The following FMNL3 variants were observed in gnomAD, a reference collection of about 807,000 sequenced individuals.
The protein encoded by FMNL3 is formin-like protein 3.
In FMNL3, 57 loss-of-function variants were observed where a neutral mutation model predicts 119.6. The observed-to-expected ratio is 0.48, with a 90% CI of 0.39 to 0.59. FMNL3 has a LOEUF of 0.59. FMNL3 is among the 20% of genes least tolerant of loss of function. The pLI, the probability that FMNL3 is intolerant of heterozygous loss-of-function variation, is 0.00. For synonymous variants in FMNL3, 491 were observed against 507.3 expected (o/e 0.97, Z 0.43); for missense variants, 1,053 against 1,323.5 (o/e 0.80, Z 3.17).
At chr12:49,652,536 G>A (rs944456911) in intron 13 of FMNL3, among the ~76,000 whole-genome samples, 2 of 152,180 alleles carry the variant, frequency 1.3e-5, no homozygotes, top group African/African-American at 4.8e-5. Context: ...GTCTGACATA[G>A]CGGCTCTCTC....
Position 49,707,113 on chromosome 12 carries a change from G to A in FMNL3, c.68C>T (p.Pro23Leu), listed in dbSNP as rs775668507. 8.1e-6 allele frequency: 13 copies of A among 1,604,756 alleles called. No individual in the cohort carries two copies. Among genetic ancestry groups the A allele is most frequent in the Non-Finnish European group, 1.0e-5 (12 of 1,176,572 alleles). The change falls in exon 1 of 26, where the codon CCC becomes CTC. Residue 23 changes from proline (P) to leucine (L), a missense_variant. By Grantham distance (98) the Pro-to-Leu change is moderately conservative. This residue lies in a region of FMNL3 where 264 missense variants were observed against 265.5 expected (regional missense o/e 0.99). Transcript: ENST00000335154. ...EPPSVPLLLP[P>L]GKMPMPEPCE... is the part of the protein sequence containing the mutation. ...GGGCTCAGGCATCGGCATCTTGCCG[G>A]GCGGCAGCAACAACGGGACAGAGGG...
chr12:49,638,033 A>T lies in FMNL3; in HGVS notation c.*7782T>A. 1.8e-6 allele frequency: 1 copy of T among 561,714 alleles called. No individual in the cohort carries two copies. The highest frequency in any genetic ancestry group is 2.3e-5 in the South Asian group (1 of 44,208). 34.8% of individuals were successfully genotyped at this position (561,714 alleles called of 1,614,324 possible). The stretch of plus-strand genomic sequence containing the variant: ...ATGGTCTAATAGGAAGATATACATG[A>T]GAACTGTTATACAAAGGGGCAAGTG... On this transcript the variant is annotated 3_prime_UTR_variant, in exon 26 of 26. Coordinates refer to ENST00000335154, the MANE Select transcript of FMNL3 (RefSeq NM_175736.5).
intron 1 of FMNL3, among the ~76,000 whole-genome samples, chr12:49,675,276 C>T (rs548247652): frequency 6.6e-6 from 1 of 152,370 alleles, no homozygotes; most frequent in African/African-American, 2.4e-5. Context: ...GCTACTGCCA[C>T]AGCAACTTGA....
chr12:49,651,052 TG>T, intron 16 of FMNL3, 115 bp downstream of exon 16: 1 of 1,505,324 alleles, frequency 6.6e-7, no homozygotes, highest in Non-Finnish European at 9.1e-7. Flanking sequence ...GAAGGGTTGG[TG>T]GAGCTAAGCC....
At chr12:49,677,654 C>T (rs1682840196) in intron 1 of FMNL3, among the ~76,000 whole-genome samples, 1 of 152,008 alleles carries the variant, frequency 6.6e-6, no homozygotes, top group Admixed American at 6.6e-5. Context: ...TAGAATTTGG[C>T]GATATCAAAA....
chr12:49,645,739 C>G lies in FMNL3; in HGVS notation c.*76G>C. The stretch of plus-strand genomic sequence containing the variant: ...AGAGCAACACAGCCCTCTCCTGAGC[C>G]CTTGGCCAATTCCAGGTCCACTGGT... On this transcript the variant is annotated 3_prime_UTR_variant, in exon 26 of 26. Coordinates refer to ENST00000335154, the MANE Select transcript of FMNL3 (RefSeq NM_175736.5). The G allele has an allele frequency of 7.6e-7, 1 of 1,313,184 alleles. No individual in the cohort carries two copies. Among genetic ancestry groups the G allele is most frequent in the East Asian group, 2.5e-5 (1 of 39,770 alleles). 81.3% of individuals were successfully genotyped at this position (1,313,184 alleles called of 1,614,324 possible).
At chr12:49,646,473 A>G (rs897664465) in intron 25 of FMNL3, among the ~76,000 whole-genome samples, 2 of 152,206 alleles carry the variant, frequency 1.3e-5, no homozygotes, top group African/African-American at 4.8e-5. Flanking sequence ...TGCAGGGGAT[A>G]TGCCACACTT....
chr12:49,681,395 G>T (rs1278924500), intron 1 of FMNL3, among the ~76,000 whole-genome samples: 1 of 152,128 alleles, frequency 6.6e-6, no homozygotes, highest in East Asian at 1.9e-4. Flanking sequence ...TAGAGACAAG[G>T]TTTCACGGTG....
At chr12:49,701,726 A>G (rs564647156) in intron 1 of FMNL3, among the ~76,000 whole-genome samples, 2 of 152,166 alleles carry the variant, frequency 1.3e-5, no homozygotes, top group East Asian at 1.9e-4. Context: ...GTTCGAGACC[A>G]GCCTGGCCAA....
chr12:49,656,794 G>T (rs1250177098), intron 8 of FMNL3, 29 bp downstream of exon 8: 12 of 1,578,972 alleles, frequency 7.6e-6, no homozygotes, highest in South Asian at 1.1e-5. Context: ...TGGACAGAGT[G>T]GGGAGGAAAG....
In FMNL3 at chr12:49,642,861, TAGG is replaced by T; in HGVS notation, c.*2951_*2953del. 6.6e-7 allele frequency: 1 copy of T among 1,520,048 alleles called. No individual in the cohort carries two copies. Among genetic ancestry groups the T allele is most frequent in the Non-Finnish European group, 9.0e-7 (1 of 1,115,214 alleles). The allele number at this position is 1,520,048 out of a possible 1,614,324, so 94.2% of individuals were successfully genotyped here. A position where few individuals can be genotyped will look rare whatever the true frequency, so the allele number is the denominator to read the frequency against. ...GAGAAAGGGAGGCAAAGCCAGATTT[TAGG>T]AAGTAGGATCCTTCCTGGGGCTAAG... On this transcript the variant is annotated 3_prime_UTR_variant, in exon 26 of 26. Coordinates refer to ENST00000335154, the MANE Select transcript of FMNL3 (RefSeq NM_175736.5). This position sits in a 1 kb window ranked among gnomAD's most constrained non-coding sequence, Gnocchi z 5.8.
Position 49,644,258 on chromosome 12 carries a change from T to C in FMNL3, c.*1557A>G, listed in dbSNP as rs1373526008. The C allele has an allele frequency of 1.9e-6, 3 of 1,555,032 alleles. No individual in the cohort carries two copies. Among genetic ancestry groups the C allele is most frequent in the Non-Finnish European group, 2.7e-6 (3 of 1,129,808 alleles). ...TGGCTCCTGGGCCACCCTCACCGTC[T>C]GCCTCAGACTTCTTCCTTAGTCTGG... On this transcript the variant is annotated 3_prime_UTR_variant, in exon 26 of 26. Coordinates refer to ENST00000335154, the MANE Select transcript of FMNL3 (RefSeq NM_175736.5).
Position 49,650,617 on chromosome 12 carries a change from G to A in FMNL3, c.2000+59C>T, listed in dbSNP as rs1943366890. The A allele has an allele frequency of 3.7e-5, 58 of 1,579,544 alleles. 2 individuals are homozygous for A. The South Asian group carries it at 6.0e-4, about 16-fold the overall frequency. On this transcript the variant is annotated intron_variant, in intron 17 of 25. Transcript: ENST00000335154. ...GAATCTAGGGAAACCCAGGCTCCTG[G>A]GTGGAGAACTGGGTTGCCAACAGAC...
intron 16 of FMNL3, 25 bp downstream of exon 16, chr12:49,651,143 C>G: frequency 6.2e-7 from 1 of 1,608,724 alleles, no homozygotes; most frequent in Non-Finnish European, 8.5e-7. Flanking sequence ...TCAACCTTAG[C>G]CCTCTGGACC....
At chr12:49,656,140 G>A (rs7973413) in intron 9 of FMNL3, among the ~76,000 whole-genome samples, 6 of 152,094 alleles carry the variant, frequency 3.9e-5, no homozygotes, top group African/African-American at 7.2e-5. Flanking sequence ...TTGGATGCAG[G>A]GCCCAACTAG....
Position 49,636,758 on chromosome 12 carries a change from T to G in FMNL3, c.*9057A>C, listed in dbSNP as rs757263724. ...GCACTGATCTGTTTTGAGGAGCACA[T>G]CCGAGCTTTGGAGAGGGAAGAGGAG... On this transcript the variant is annotated 3_prime_UTR_variant, in exon 26 of 26. Transcript: ENST00000335154. The G allele has an allele frequency of 6.2e-7, 1 of 1,614,162 alleles. No individual in the cohort carries two copies. The highest frequency in any genetic ancestry group is 8.5e-7 in the Non-Finnish European group (1 of 1,180,014).
rs973316670 is a variant in FMNL3 at position 49,707,399 on chromosome 12, C to T, written c.-219G>A. ...GACAGCCGCACCGAAGCAAGGCGGACGGAGGCGGCCGGCTCTTGCTCACAC... is the reference window on the plus strand; with the variant it reads ...GACAGCCGCACCGAAGCAAGGCGGATGGAGGCGGCCGGCTCTTGCTCACAC... On this transcript the variant is annotated 5_prime_UTR_variant, in exon 1 of 26. Transcript: ENST00000335154. The T allele has an allele frequency of 4.1e-4, 145 of 357,608 alleles. No homozygotes were observed. The highest frequency in any genetic ancestry group is 1.1e-3 in the Admixed American group (24 of 20,920). 22.2% of individuals were successfully genotyped at this position (357,608 alleles called of 1,614,324 possible). A position where few individuals can be genotyped will look rare whatever the true frequency, so the allele number is the denominator to read the frequency against.
rs1943075206 is a variant in FMNL3 at position 49,644,523 on chromosome 12, A to C, written c.*1292T>G. The C allele has an allele frequency of 2.8e-6, 1 of 352,834 alleles. No individual in the cohort carries two copies. The highest frequency in any genetic ancestry group is 2.1e-5 in the African/African-American group (1 of 48,206). The allele number at this position is 352,834 out of a possible 1,614,324, so 21.9% of individuals were successfully genotyped here. ...GGCTGTTGGACGCAGCCTGGGTGGC[A>C]GAGGGCAGGGTCATCACCCTCTAGC... On this transcript the variant is annotated 3_prime_UTR_variant, in exon 26 of 26. Transcript: ENST00000335154.
chr12:49,705,400 A>G (rs1945021252), intron 1 of FMNL3, among the ~76,000 whole-genome samples: 1 of 152,198 alleles, frequency 6.6e-6, no homozygotes, highest in Admixed American at 6.5e-5. Context: ...CCAAGGGCCA[A>G]TGAGAACATG....
Sources: gnomAD v4.1 joint callset for allele counts (sites outside exome capture counted in the v4.1 genomes callset) on GRCh38, gnomAD v4.1.1 for gene constraint, gnomAD v4.1.1 regional missense constraint, Gnocchi (gnomAD v3.1) non-coding constraint, MANE v1.5 for transcripts, NCBI Gene and HGNC (gene_info 2026-07-23, HGNC 2026-07-21) for gene names.